Variants in ABCC1 observed in about 807,000 individuals in gnomAD.
The protein encoded by ABCC1 is multidrug resistance-associated protein 1.
A neutral mutation model predicts 172.9 loss-of-function variants in ABCC1; 83 were observed. The ratio of observed to expected loss-of-function variants is 0.48; its 90% CI spans 0.40 to 0.58. The LOEUF is 0.58. Among genes scored for constraint, ABCC1 ranks in the 20% least tolerant of loss-of-function variants. The pLI, the probability that ABCC1 is intolerant of heterozygous loss-of-function variation, is 0.00. For missense variants in ABCC1, 1,817 were observed against 2,002.7 expected (o/e 0.91, Z 1.77); for synonymous variants, 937 against 825.2 (o/e 1.14, Z -2.32).
intron 1 of ABCC1, 93 bp downstream of exon 1, chr16:15,949,892 TC>T: frequency 9.3e-7 from 1 of 1,073,050 alleles, no homozygotes; most frequent in Non-Finnish European, 1.2e-6. Context: ...GGCACCCCGC[TC>T]CCCGCTCTGC....
chr16:16,091,916 C>G (rs1422503987), intron 19 of ABCC1, among the ~76,000 whole-genome samples: 2 of 152,160 alleles, frequency 1.3e-5, no homozygotes, highest in African/African-American at 4.8e-5. Flanking sequence ...TCCTAGTGAT[C>G]TCTAATAAGT....
intron 1 of ABCC1, among the ~76,000 whole-genome samples, chr16:15,961,575 G>T (rs751736152): frequency 3.9e-5 from 6 of 152,148 alleles, no homozygotes; most frequent in Non-Finnish European, 7.3e-5. Flanking sequence ...TGTTTTTCGA[G>T]AAAAGTTTCA....
At chr16:16,097,194 C>T (rs2051518621) in intron 19 of ABCC1, among the ~76,000 whole-genome samples, 1 of 152,160 alleles carries the variant, frequency 6.6e-6, no homozygotes. Flanking sequence ...CTCACTGCAA[C>T]CTCCACCTCC....
chr16:15,991,427 G>A (rs1392944560), intron 1 of ABCC1, among the ~76,000 whole-genome samples: 1 of 152,164 alleles, frequency 6.6e-6, no homozygotes, highest in Non-Finnish European at 1.5e-5. Flanking sequence ...TACAGGGCTT[G>A]TTCTGCAAAA....
At chr16:15,951,780 C>A (rs1462282050) in intron 1 of ABCC1, among the ~76,000 whole-genome samples, 1 of 152,106 alleles carries the variant, frequency 6.6e-6, no homozygotes, top group African/African-American at 2.4e-5. Context: ...ATCTCTGCCT[C>A]CCCGGCTCAA....
intron 24 of ABCC1, 36 bp downstream of exon 24, chr16:16,122,210 G>A: frequency 6.2e-7 from 1 of 1,609,740 alleles, no homozygotes; most frequent in African/African-American, 1.3e-5. Context: ...GGGTGGAGGA[G>A]GCCGCCTTAG....
intron 9 of ABCC1, 92 bp downstream of exon 9, chr16:16,046,105 G>T (rs1360894060): frequency 4.9e-6 from 7 of 1,426,098 alleles, no homozygotes; most frequent in Admixed American, 2.0e-5. Flanking sequence ...GGGATTTCCA[G>T]CCCAGCTTCT....
intron 10 of ABCC1, among the ~76,000 whole-genome samples, chr16:16,052,030 A>G (rs2049451249): frequency 6.6e-6 from 1 of 152,206 alleles, no homozygotes; most frequent in Non-Finnish European, 1.5e-5. Flanking sequence ...CATGAGTTTG[A>G]GACCAGCTTA....
At chr16:16,041,001 C>T (rs1418951659) in intron 7 of ABCC1, among the ~76,000 whole-genome samples, 1 of 152,032 alleles carries the variant, frequency 6.6e-6, no homozygotes, top group Non-Finnish European at 1.5e-5. Context: ...GATCTCGGCT[C>T]ACTGCAACCT....
intron 19 of ABCC1, among the ~76,000 whole-genome samples, chr16:16,091,536 G>T (rs1309924946): frequency 6.6e-6 from 1 of 152,182 alleles, no homozygotes; most frequent in Non-Finnish European, 1.5e-5. Flanking sequence ...ACCCTCTCTG[G>T]GGAGGTTGCA....
chr16:16,047,072 C>T (rs1372003741), intron 9 of ABCC1, among the ~76,000 whole-genome samples: 1 of 152,072 alleles, frequency 6.6e-6, no homozygotes, highest in Non-Finnish European at 1.5e-5. Context: ...GTGGTGCGTA[C>T]CTGTAGTCCC....
chr16:15,992,659 C>A (rs1203801661), intron 1 of ABCC1, among the ~76,000 whole-genome samples: 3 of 152,192 alleles, frequency 2.0e-5, no homozygotes, highest in African/African-American at 7.2e-5. Flanking sequence ...CCTCGGCCTC[C>A]CAAAGTGCTG....
intron 5 of ABCC1, among the ~76,000 whole-genome samples, chr16:16,021,902 A>G (rs1410759658): frequency 6.6e-6 from 1 of 151,952 alleles, no homozygotes. Flanking sequence ...ACGGGTTGCA[A>G]CTCGATTTGT....
chr16:15,974,406 T>C lies in ABCC1; in HGVS notation c.48+24607T>C, dbSNP rs192359260. ...ATGCTCAGACCCCCATTAAAGTTAA[T>C]TGAGCGGTTACAGAGTGGGAGTGGG... is the stretch of plus-strand genomic sequence containing the variant. On this transcript the variant is annotated intron_variant, in intron 1 of 30. Coordinates refer to ENST00000399410, the MANE Select transcript of ABCC1 (RefSeq NM_004996.4). Among the ~76,000 whole-genome samples the C allele has an allele frequency of 1.1e-3, 172 of 152,168 alleles. 5 individuals carry two copies. The highest frequency in any genetic ancestry group is 2.2e-4 in the Non-Finnish European group (15 of 67,996).
At chr16:16,107,246 A>G (rs896905231) in intron 21 of ABCC1, among the ~76,000 whole-genome samples, 1 of 152,178 alleles carries the variant, frequency 6.6e-6, no homozygotes, top group Admixed American at 6.6e-5. Flanking sequence ...CCGGTTGTGC[A>G]CAGACGCATT....
chr16:16,061,086 G>C (rs1171290583), intron 12 of ABCC1, among the ~76,000 whole-genome samples: 2 of 151,508 alleles, frequency 1.3e-5, no homozygotes, highest in East Asian at 2.0e-4. Context: ...ACCATGCCAA[G>C]CCAATTTTTT....
chr16:16,036,617 T>G lies in ABCC1; in HGVS notation c.809+14T>G. ...CAAGACTAGGAAGTAAGTGTGAGTTTCCTTGTCCTCCAGGATGCCCTGGTC... is the reference window on the plus strand; with the variant it reads ...CAAGACTAGGAAGTAAGTGTGAGTTGCCTTGTCCTCCAGGATGCCCTGGTC... On this transcript the variant is annotated intron_variant, in intron 7 of 30. Transcript: ENST00000399410. The G allele has an allele frequency of 6.2e-7, 1 of 1,612,464 alleles. No homozygotes were observed. Among genetic ancestry groups the G allele is most frequent in the Non-Finnish European group, 8.5e-7 (1 of 1,179,040 alleles).
chr16:15,949,334 C>T (rs73511825), upstream of ABCC1, among the ~76,000 whole-genome samples: 3,990 of 152,070 alleles, frequency 0.026, 177 homozygotes, highest in African/African-American at 0.091. Context: ...AAAGTGGTCG[C>T]AGGGTGTGTG....
intron 14 of ABCC1, among the ~76,000 whole-genome samples, chr16:16,072,914 C>A (rs1252957048): frequency 6.6e-6 from 1 of 151,542 alleles, no homozygotes; most frequent in Non-Finnish European, 1.5e-5. Flanking sequence ...TGGTGTTGGG[C>A]ACCTGTAATC....
Sources: gnomAD v4.1 joint callset for allele counts (sites outside exome capture counted in the v4.1 genomes callset) on GRCh38, gnomAD v4.1.1 for gene constraint, MANE v1.5 for transcripts, NCBI Gene and HGNC (gene_info 2026-07-23, HGNC 2026-07-21) for gene names.